The following PDGFD variants were observed in gnomAD, a reference collection of about 807,000 sequenced individuals.
PDGFD encodes the protein platelet-derived growth factor D.
Under a neutral mutation model 44.7 loss-of-function variants are expected in PDGFD, and 30 were observed. The observed-to-expected ratio is 0.67, with a 90% CI of 0.50 to 0.91. The LOEUF is 0.91. Ranked by LOEUF, PDGFD falls within the 40% of genes least tolerant of loss-of-function variation. The pLI is 0.00. For missense variants in PDGFD, 445 were observed against 457.8 expected (o/e 0.97, Z 0.25); for synonymous variants, 173 against 168.4 (o/e 1.03, Z -0.21).
chr11:104,025,412 A>G (rs912601098), intron 1 of PDGFD, among the ~76,000 whole-genome samples: 1 of 152,234 alleles, frequency 6.6e-6, no homozygotes, highest in Non-Finnish European at 1.5e-5. Context: ...TGAGAAAAAC[A>G]AACACAACAC....
chr11:104,095,560 T>C (rs536284610), intron 1 of PDGFD, among the ~76,000 whole-genome samples: 8 of 151,768 alleles, frequency 5.3e-5, no homozygotes, highest in Admixed American at 1.3e-4. Context: ...CTTACTGTCT[T>C]AGAGACAAAA....
chr11:103,998,859 C>T (rs1426803287), intron 2 of PDGFD, among the ~76,000 whole-genome samples: 2 of 152,210 alleles, frequency 1.3e-5, no homozygotes, highest in Non-Finnish European at 2.9e-5. Context: ...AAAAAACCCT[C>T]ACCTCACAGA....
chr11:104,128,864 G>A (rs1361970235), intron 1 of PDGFD, among the ~76,000 whole-genome samples: 3 of 152,066 alleles, frequency 2.0e-5, no homozygotes, highest in African/African-American at 4.8e-5. Context: ...GGCAGTGATT[G>A]TTATTTTTGC....
chr11:104,046,913 C>G (rs1482777722), intron 1 of PDGFD, among the ~76,000 whole-genome samples: 1 of 146,084 alleles, frequency 6.8e-6, no homozygotes, highest in Admixed American at 6.9e-5. Context: ...CCGACAGGCT[C>G]CAGTGTATGA....
intron 1 of PDGFD, among the ~76,000 whole-genome samples, chr11:104,161,283 G>C (rs1373539730): frequency 6.6e-6 from 1 of 152,052 alleles, no homozygotes; most frequent in East Asian, 1.9e-4. Flanking sequence ...CCATGTTCAT[G>C]TCCTCCTCAA....
At chr11:104,107,399 C>G (rs11226158) in intron 1 of PDGFD, among the ~76,000 whole-genome samples, 7 of 152,054 alleles carry the variant, frequency 4.6e-5, no homozygotes, top group African/African-American at 1.7e-4. Flanking sequence ...ACAAACAGTG[C>G]GCTTAGAAGA....
chr11:103,987,963 T>G (rs1453481764), intron 3 of PDGFD, among the ~76,000 whole-genome samples: 2 of 152,170 alleles, frequency 1.3e-5, no homozygotes, highest in Non-Finnish European at 2.9e-5. Flanking sequence ...TGTGTACCTT[T>G]CTCTCCCTCA....
At chr11:104,033,819 T>C (rs1860169823) in intron 1 of PDGFD, among the ~76,000 whole-genome samples, 1 of 152,220 alleles carries the variant, frequency 6.6e-6, no homozygotes, top group Non-Finnish European at 1.5e-5. Context: ...CACATGATAA[T>C]TGTTTCCAAA....
intron 1 of PDGFD, among the ~76,000 whole-genome samples, chr11:104,100,128 G>T (rs1190812418): frequency 6.6e-6 from 1 of 152,092 alleles, no homozygotes; most frequent in African/African-American, 2.4e-5. Context: ...TCCACCACTT[G>T]AATCCTCAGG....
chr11:104,119,750 A>T (rs1470643309), intron 1 of PDGFD, among the ~76,000 whole-genome samples: 1 of 108,806 alleles, frequency 9.2e-6, no homozygotes, highest in African/African-American at 3.8e-5. Context: ...TATATATTAT[A>T]TATTTATATA....
chr11:104,047,789 T>C (rs1225566761), intron 1 of PDGFD, among the ~76,000 whole-genome samples: 1 of 151,968 alleles, frequency 6.6e-6, no homozygotes, highest in Non-Finnish European at 1.5e-5. Context: ...GCCAACAAAA[T>C]AGATGTGTTA....
At chr11:104,087,590 T>TA (rs534785331) in intron 1 of PDGFD, among the ~76,000 whole-genome samples, 65 of 152,304 alleles carry the variant, frequency 4.3e-4, no homozygotes, top group African/African-American at 1.4e-3. Flanking sequence ...ATTATCTTCT[T>TA]ACGATCACAC....
At chr11:104,035,069 G>T (rs545598579) in intron 1 of PDGFD, among the ~76,000 whole-genome samples, 3 of 152,230 alleles carry the variant, frequency 2.0e-5, no homozygotes, top group East Asian at 3.9e-4. Context: ...TGGGGGTGGG[G>T]GAGAGTAGGG....
At chr11:104,016,056 T>C (rs2134378309) in intron 1 of PDGFD, among the ~76,000 whole-genome samples, 1 of 152,322 alleles carries the variant, frequency 6.6e-6, no homozygotes, top group East Asian at 1.9e-4. Flanking sequence ...AGAGGTCTTT[T>C]TATTTGCACA....
intron 1 of PDGFD, among the ~76,000 whole-genome samples, chr11:104,094,609 C>T (rs1210902998): frequency 6.6e-6 from 1 of 152,032 alleles, no homozygotes; most frequent in East Asian, 1.9e-4. Flanking sequence ...CTTGAAGTAC[C>T]CTTCATCTAA....
At chr11:104,114,051 T>G (rs1283066616) in intron 1 of PDGFD, among the ~76,000 whole-genome samples, 1 of 152,072 alleles carries the variant, frequency 6.6e-6, no homozygotes, top group Non-Finnish European at 1.5e-5. Flanking sequence ...GATTTGTCTT[T>G]GCATTCTCTT....
chr11:104,136,833 C>A (rs2119859797), intron 1 of PDGFD, among the ~76,000 whole-genome samples: 1 of 152,302 alleles, frequency 6.6e-6, no homozygotes, highest in East Asian at 1.9e-4. Context: ...GTCCTGTCTG[C>A]TAGACTAGAT....
At chr11:104,017,307 C>A (rs1375426716) in intron 1 of PDGFD, among the ~76,000 whole-genome samples, 1 of 152,064 alleles carries the variant, frequency 6.6e-6, no homozygotes, top group African/African-American at 2.4e-5. Context: ...CTAAGGTACC[C>A]TCTTTACTTA....
intron 6 of PDGFD, among the ~76,000 whole-genome samples, chr11:103,913,299 G>T (rs867451264): frequency 6.6e-6 from 1 of 152,128 alleles, no homozygotes; most frequent in Admixed American, 6.6e-5. Flanking sequence ...CTAACAAACA[G>T]TCTCTCAGAC....
Sources: gnomAD v4.1 joint callset for allele counts (sites outside exome capture counted in the v4.1 genomes callset) on GRCh38, gnomAD v4.1.1 for gene constraint, MANE v1.5 for transcripts, NCBI Gene and HGNC (gene_info 2026-07-23, HGNC 2026-07-21) for gene names.